The following DLG2 variants were observed in gnomAD, a reference collection of about 807,000 sequenced individuals.
DLG2 encodes the protein disks large homolog 2.
Under a neutral mutation model 132.5 loss-of-function variants are expected in DLG2, and 45 were observed. The ratio of observed to expected loss-of-function variants is 0.34; its 90% CI spans 0.27 to 0.44. DLG2 has a LOEUF of 0.44. DLG2 is among the 20% of genes least tolerant of loss of function. The pLI, the probability that DLG2 is intolerant of heterozygous loss-of-function variation, is 1.00. For synonymous variants in DLG2, 424 were observed against 419.6 expected (o/e 1.01, Z -0.13); for missense variants, 1,045 against 1,196.9 (o/e 0.87, Z 1.87).
At chr11:84,180,233 G>T (rs2096078993) in intron 8 of DLG2, among the ~76,000 whole-genome samples, 1 of 152,078 alleles carries the variant, frequency 6.6e-6, no homozygotes, top group Admixed American at 6.6e-5. Context: ...ATATAGTAAA[G>T]AAATGAAGAA....
intron 17 of DLG2, among the ~76,000 whole-genome samples, chr11:83,822,519 C>T (rs1351024642): frequency 6.6e-6 from 1 of 152,150 alleles, no homozygotes; most frequent in Non-Finnish European, 1.5e-5. Context: ...GGCAGCTATT[C>T]CCTTTTCCCA....
chr11:85,333,389 G>C (rs927113726), intron 3 of DLG2, among the ~76,000 whole-genome samples: 1 of 152,058 alleles, frequency 6.6e-6, no homozygotes, highest in African/African-American at 2.4e-5. Context: ...TCTGTGAAAA[G>C]AGATAGTTCA....
chr11:84,040,678 G>T (rs2096049179), intron 11 of DLG2, among the ~76,000 whole-genome samples: 1 of 150,626 alleles, frequency 6.6e-6, no homozygotes, highest in African/African-American at 2.4e-5. Context: ...TTGTTCTTTT[G>T]GCTTAGGATT....
At chr11:83,999,215 T>C (rs1484988967) in intron 11 of DLG2, among the ~76,000 whole-genome samples, 1 of 151,990 alleles carries the variant, frequency 6.6e-6, no homozygotes, top group East Asian at 1.9e-4. Context: ...CTTTGTCCCT[T>C]CTTCCACCCT....
chr11:84,792,973 T>C (rs1229799987), intron 6 of DLG2, among the ~76,000 whole-genome samples: 1 of 152,164 alleles, frequency 6.6e-6, no homozygotes, highest in East Asian at 1.9e-4. Context: ...TTTGGTCTGC[T>C]CTTGCTATTC....
intron 18 of DLG2, among the ~76,000 whole-genome samples, chr11:83,775,559 G>A (rs1424519052): frequency 1.3e-5 from 2 of 152,190 alleles, no homozygotes; most frequent in Non-Finnish European, 2.9e-5. Flanking sequence ...CCTGTAGTGA[G>A]TGCTTCATAC....
At chr11:84,638,912 G>C (rs1475837444) in intron 6 of DLG2, among the ~76,000 whole-genome samples, 1 of 152,104 alleles carries the variant, frequency 6.6e-6, no homozygotes, top group Admixed American at 6.5e-5. Context: ...ATCATCACCA[G>C]CATATTTACA....
chr11:84,520,513 C>T (rs1489214736), intron 7 of DLG2, among the ~76,000 whole-genome samples: 1 of 152,156 alleles, frequency 6.6e-6, no homozygotes, highest in Non-Finnish European at 1.5e-5. Context: ...CCTAAAATTA[C>T]ATTGGTTGTT....
chr11:85,096,119 A>C (rs554258300), intron 6 of DLG2, among the ~76,000 whole-genome samples: 1 of 152,002 alleles, frequency 6.6e-6, no homozygotes, highest in East Asian at 1.9e-4. Context: ...GACAATCAGC[A>C]CTCTGTAAAA....
intron 12 of DLG2, among the ~76,000 whole-genome samples, chr11:83,968,373 C>A (rs1451041083): frequency 3.9e-5 from 6 of 152,160 alleles, no homozygotes; most frequent in African/African-American, 1.4e-4. Flanking sequence ...GCTTCTCTAG[C>A]ACCTCTCACA....
intron 15 of DLG2, among the ~76,000 whole-genome samples, chr11:83,912,723 T>C (rs2076279646): frequency 1.3e-5 from 2 of 152,142 alleles, no homozygotes; most frequent in East Asian, 1.9e-4. Flanking sequence ...CCGATACTGA[T>C]ATTTGTATGT....
chr11:83,784,885 C>T (rs554325324), intron 18 of DLG2, among the ~76,000 whole-genome samples: 1 of 151,956 alleles, frequency 6.6e-6, no homozygotes, highest in South Asian at 2.1e-4. Flanking sequence ...AAAATGGGGA[C>T]ATTTATGTTG....
chr11:83,846,327 C>T (rs917702983), intron 16 of DLG2, among the ~76,000 whole-genome samples: 1 of 152,266 alleles, frequency 6.6e-6, no homozygotes, highest in East Asian at 1.9e-4. Context: ...AACATGGATG[C>T]CAACCTAAGG....
chr11:83,598,252 T>C (rs1283551400), intron 19 of DLG2, among the ~76,000 whole-genome samples: 1 of 152,260 alleles, frequency 6.6e-6, no homozygotes, highest in African/African-American at 2.4e-5. Flanking sequence ...CTGTCTGTCC[T>C]CTTTGGCTGT....
At chr11:84,677,971 C>T (rs750092602) in intron 6 of DLG2, among the ~76,000 whole-genome samples, 1 of 151,974 alleles carries the variant, frequency 6.6e-6, no homozygotes, top group South Asian at 2.1e-4. Context: ...TCATACAAAG[C>T]AAAATTCTTC....
chr11:84,478,193 T>C (rs2099127018), intron 7 of DLG2, among the ~76,000 whole-genome samples: 1 of 152,146 alleles, frequency 6.6e-6, no homozygotes, highest in Admixed American at 6.5e-5. Flanking sequence ...TCACAGTGGC[T>C]CAATTTGTTT....
intron 11 of DLG2, among the ~76,000 whole-genome samples, chr11:84,035,374 T>A (rs2095835474): frequency 1.3e-5 from 2 of 152,208 alleles, no homozygotes; most frequent in South Asian, 4.1e-4. Flanking sequence ...AATACATATA[T>A]TTATAATACA....
chr11:85,175,907 T>G (rs2079202188), intron 4 of DLG2, among the ~76,000 whole-genome samples: 1 of 151,964 alleles, frequency 6.6e-6, no homozygotes, highest in Admixed American at 6.6e-5. Context: ...AGCTAACAAA[T>G]GAAGTGAAGA....
intron 6 of DLG2, among the ~76,000 whole-genome samples, chr11:84,885,764 T>C (rs2088172282): frequency 6.6e-6 from 1 of 152,082 alleles, no homozygotes; most frequent in South Asian, 2.1e-4. Context: ...CACCTTAACA[T>C]TGACCCTTTT....
Sources: gnomAD v4.1 joint callset for allele counts (sites outside exome capture counted in the v4.1 genomes callset) on GRCh38, gnomAD v4.1.1 for gene constraint, MANE v1.5 for transcripts, NCBI Gene and HGNC (gene_info 2026-07-23, HGNC 2026-07-21) for gene names.